The following ABHD3 variants were observed in gnomAD, a reference collection of about 807,000 sequenced individuals.
The protein encoded by ABHD3 is phospholipase ABHD3.
A neutral mutation model predicts 48.8 loss-of-function variants in ABHD3; 46 were observed. The observed-to-expected ratio is 0.94, with a 90% confidence interval of 0.74 to 1.20. The LOEUF (loss-of-function observed/expected upper bound fraction) is 1.20, where lower values mean the gene tolerates loss of function less well. ABHD3 is among the 50% of genes most tolerant of loss of function. The pLI is 0.00. For synonymous variants in ABHD3, 192 were observed against 183.7 expected, an observed-to-expected ratio of 1.04 and a Z score of -0.36; for missense variants, 490 against 497.8, an observed-to-expected ratio of 0.98 and a Z score of 0.15.
intron 4 of ABHD3, among the ~76,000 whole-genome samples, chr18:21,681,754 A>C (rs573391373): frequency 6.6e-6 from 1 of 152,344 alleles, no homozygotes; most frequent in African/African-American, 2.4e-5. Flanking sequence ...ATAAGCACAT[A>C]GATCACCTGG....
chr18:21,696,808 A>C (rs2040380230), intron 3 of ABHD3, among the ~76,000 whole-genome samples: 1 of 151,996 alleles, frequency 6.6e-6, no homozygotes, highest in South Asian at 2.1e-4. Context: ...GGCTCAAGCA[A>C]TCCTCCTGCC....
At chr18:21,675,439 TTG>T (rs1456500164) in intron 4 of ABHD3, among the ~76,000 whole-genome samples, 3 of 151,960 alleles carry the variant, frequency 2.0e-5, no homozygotes, top group African/African-American at 4.8e-5. Flanking sequence ...CAGCTAATTT[TTG>T]TGTTTTTAGT....
chr18:21,664,553 G>C (rs968223490), intron 4 of ABHD3: 34 of 193,900 alleles, frequency 1.8e-4, no homozygotes, highest in African/African-American at 7.3e-4. Flanking sequence ...AACCAGAGCA[G>C]TTTAGGAAAA....
chr18:21,684,019 A>G lies in ABHD3; in HGVS notation c.510-54T>C, dbSNP rs934485807. On this transcript the variant is annotated intron_variant, in intron 3 of 8. Transcript: ENST00000289119. Reference sequence around the variant, plus strand: ...TTTTTACACATGATTCTTGCTCATGATATAATATTAAAGTCATCTTACTGA... The same window carrying G: ...TTTTTACACATGATTCTTGCTCATGGTATAATATTAAAGTCATCTTACTGA... 3.3e-6 allele frequency: 5 copies of G among 1,499,546 alleles called. No individual in the cohort carries two copies. In the African/African-American group the frequency reaches 6.9e-5, roughly 21 times the overall value. The allele number at this position is 1,499,546 out of a possible 1,614,324, so 92.9% of individuals were successfully genotyped here. A position where few individuals can be genotyped will look rare whatever the true frequency, so the allele number is the denominator to read the frequency against.
intron 3 of ABHD3, among the ~76,000 whole-genome samples, chr18:21,698,407 C>T (rs1598564170): frequency 6.6e-6 from 1 of 151,884 alleles, no homozygotes; most frequent in Non-Finnish European, 1.5e-5. Context: ...GGCTGGTCTT[C>T]AACTCCTGAC....
intron 8 of ABHD3, 103 bp downstream of exon 8, chr18:21,656,758 C>G: frequency 8.7e-7 from 1 of 1,150,916 alleles, no homozygotes; most frequent in South Asian, 1.8e-5. Flanking sequence ...GTTTTTTTAT[C>G]ATAATGGAAA....
Position 21,702,019 on chromosome 18 carries a change from T to C in ABHD3, c.509+297A>G, listed in dbSNP as rs537251510. 7 of 215,598 alleles carry C rather than the reference T, an allele frequency of 3.2e-5. No individual in the cohort carries two copies. The South Asian group carries it at 3.9e-4, about 12-fold the overall frequency. The allele number at this position is 215,598 out of a possible 1,614,324, so 13.4% of individuals were successfully genotyped here. ...TTCTCCCTCCATAACACACTCTCCATTGGGGTGGGGATGGGGGGAAGGGCT... is the reference window on the plus strand; with the variant it reads ...TTCTCCCTCCATAACACACTCTCCACTGGGGTGGGGATGGGGGGAAGGGCT... On this transcript the variant is annotated intron_variant, in intron 3 of 8. Transcript: ENST00000289119.
chr18:21,704,755 T>G lies in ABHD3; in HGVS notation c.-90A>C. 6.9e-6 allele frequency: 7 copies of G among 1,018,788 alleles called. No homozygotes were observed. The highest frequency in any genetic ancestry group is 8.6e-6 in the Non-Finnish European group (7 of 815,428). The allele number at this position is 1,018,788 out of a possible 1,614,324, so 63.1% of individuals were successfully genotyped here. ...CGGGCGAGAGCGGACGCGGCGCCGC[T>G]GCCTACTCCCGACCACAGTGTCTCC... is the stretch of plus-strand genomic sequence containing the variant. On this transcript the variant is annotated 5_prime_UTR_variant, in exon 1 of 9. Transcript: ENST00000289119.
At chr18:21,657,936 G>A (rs892341218) in intron 6 of ABHD3, among the ~76,000 whole-genome samples, 12 of 152,092 alleles carry the variant, frequency 7.9e-5, no homozygotes, top group African/African-American at 2.4e-4. Flanking sequence ...GGGGGCTCAC[G>A]TCTGTAGTCC....
intron 5 of ABHD3, among the ~76,000 whole-genome samples, chr18:21,661,273 T>C (rs541860024): frequency 6.6e-6 from 1 of 152,192 alleles, no homozygotes; most frequent in Non-Finnish European, 1.5e-5. Context: ...TATGATAGTT[T>C]GAAATTAGTG....
rs1283067235 is a variant in ABHD3, at chr18:21,704,650, T to C, written c.16A>G (p.Met6Val). The C allele has an allele frequency of 3.9e-6, 6 of 1,529,786 alleles. No individual in the cohort carries two copies. Among genetic ancestry groups the C allele is most frequent in the Non-Finnish European group, 5.3e-6 (6 of 1,141,836 alleles). 94.8% of individuals were successfully genotyped at this position (1,529,786 alleles called of 1,614,324 possible). Residue 6 changes from methionine (M) to valine (V), a missense_variant, in exon 1 of 9, where the codon ATG becomes GTG. Physicochemically the swap from Met to Val is conservative, Grantham distance 21. Transcript: ENST00000289119. Reference protein sequence around the residue: MQRLAMDLRMLSRELS... With the variant: MQRLAVDLRMLSRELS... ...TCCCGGGACAACATCCGCAGGTCCATGGCCAGGCGCTGCATGGCCCCCGAG... is the reference window on the plus strand; with the variant it reads ...TCCCGGGACAACATCCGCAGGTCCACGGCCAGGCGCTGCATGGCCCCCGAG...
At chr18:21,699,579 C>A (rs145515815) in intron 3 of ABHD3, among the ~76,000 whole-genome samples, 37 of 152,314 alleles carry the variant, frequency 2.4e-4, no homozygotes, top group Middle Eastern at 3.4e-3. Flanking sequence ...TATTTCCCTA[C>A]ACTTTGACTC....
chr18:21,667,103 T>G (rs2039648789), intron 4 of ABHD3, among the ~76,000 whole-genome samples: 1 of 149,984 alleles, frequency 6.7e-6, no homozygotes, highest in South Asian at 2.1e-4. Flanking sequence ...GAGACAAGTC[T>G]CGCTCTGTCG....
At chr18:21,702,576 A>T (rs2040537352) in intron 2 of ABHD3, 78 bp from the exon 3 acceptor site, 1 of 1,234,118 alleles carries the variant, frequency 8.1e-7, no homozygotes. Context: ...AACACATGAC[A>T]TTATTTGCTC....
intron 4 of ABHD3, among the ~76,000 whole-genome samples, chr18:21,671,421 A>G (rs962633443): frequency 5.3e-5 from 8 of 152,182 alleles, no homozygotes; most frequent in African/African-American, 1.9e-4. Context: ...GGGGCAGTAT[A>G]TTGAATTGAT....
At chr18:21,686,021 A>G (rs1306553404) in intron 3 of ABHD3, among the ~76,000 whole-genome samples, 3 of 152,162 alleles carry the variant, frequency 2.0e-5, no homozygotes, top group Non-Finnish European at 4.4e-5. Flanking sequence ...TTTATAAGTT[A>G]TTTGTAAAAA....
intron 5 of ABHD3, among the ~76,000 whole-genome samples, chr18:21,659,738 G>A (rs558153084): frequency 6.6e-6 from 1 of 151,462 alleles, no homozygotes; most frequent in Non-Finnish European, 1.5e-5. Flanking sequence ...GTGCGATCTC[G>A]GCTCACTGCA....
chr18:21,651,813 A>T, intron 8 of ABHD3, 50 bp from the exon 9 acceptor site: 1 of 1,463,040 alleles, frequency 6.8e-7, no homozygotes, highest in Non-Finnish European at 9.1e-7. Flanking sequence ...GAGAGAGAAA[A>T]ATATAATCAT....
In ABHD3 at chr18:21,687,241, C is replaced by T. The variant is rs189952926; in HGVS notation, c.510-3276G>A. Among the ~76,000 whole-genome samples the T allele has an allele frequency of 6.6e-4, 101 of 151,930 alleles. No homozygotes were observed. In the Middle Eastern group the frequency reaches 0.014, roughly 21 times the overall value. ...TATTTTTTTTTGAGACAGAGTCTTG[C>T]TCTGTTGCCCCTGCTGGAGTGCAGT... On this transcript the variant is annotated intron_variant, in intron 3 of 8. Transcript: ENST00000289119.
Sources: gnomAD v4.1 joint callset for allele counts (sites outside exome capture counted in the v4.1 genomes callset) on GRCh38, gnomAD v4.1.1 for gene constraint, MANE v1.5 for transcripts, NCBI Gene and HGNC (gene_info 2026-07-23, HGNC 2026-07-21) for gene names.